The following CCNY variants were observed in gnomAD, a reference collection of about 807,000 sequenced individuals.
The protein encoded by CCNY is cyclin-Y.
CCNY carries 19 observed loss-of-function variants against 42.8 expected under a neutral mutation model. The ratio of observed to expected loss-of-function variants is 0.44; its 90% CI spans 0.31 to 0.65. The LOEUF (loss-of-function observed/expected upper bound fraction) is 0.65, where lower values mean the gene tolerates loss of function less well. CCNY is among the 30% of genes least tolerant of loss of function. CCNY has a pLI of 0.07. For missense variants in CCNY, 370 were observed against 437.3 expected (o/e 0.85, Z 1.37); for synonymous variants, 165 against 162.7 (o/e 1.01, Z -0.11).
chr10:35,270,846 C>T (rs1835155969), intron 3 of CCNY, among the ~76,000 whole-genome samples: 1 of 151,702 alleles, frequency 6.6e-6, no homozygotes, highest in African/African-American at 2.4e-5. Flanking sequence ...CTGCCTCAGC[C>T]TCCCAAGTAG....
intron 9 of CCNY, among the ~76,000 whole-genome samples, chr10:35,568,851 T>C (rs1161229587): frequency 1.3e-5 from 2 of 152,248 alleles, no homozygotes; most frequent in African/African-American, 4.8e-5. Context: ...TTTCTCAGAC[T>C]GTAAGCTCTT....
rs1339774698 is a variant in CCNY, at chr10:35,530,717, GCAGGATAT to G, written c.579+475_579+482del. On this transcript the variant is annotated intron_variant, in intron 7 of 9. Transcript: ENST00000374704. The surrounding 1 kb of genome is among the most constrained non-coding windows in gnomAD (Gnocchi z 4.3). ...TTGTGACTTTTGAGTAAATGTGTCT[GCAGGATAT>G]TCAGAGACAGTATGGAGGTAACGTA... 2.6e-5 allele frequency among the ~76,000 whole-genome samples: 4 copies of G among 152,152 alleles called. No individual in the cohort carries two copies. The East Asian group carries it at 7.7e-4, about 29-fold the overall frequency.
At chr10:35,279,010 C>A (rs1239978409) in intron 3 of CCNY, among the ~76,000 whole-genome samples, 2 of 152,078 alleles carry the variant, frequency 1.3e-5, no homozygotes, top group East Asian at 3.9e-4. Context: ...AAGACACCCT[C>A]TGTTGGGGGC....
Position 35,571,356 on chromosome 10 carries a change from A to G in CCNY, c.*2186A>G, listed in dbSNP as rs781568457. 5 of 152,400 alleles carry G rather than the reference A, an allele frequency of 3.3e-5. No homozygotes were observed. Among genetic ancestry groups the G allele is most frequent in the African/African-American group, 7.2e-5 (3 of 41,468 alleles). 9.4% of individuals were successfully genotyped at this position (152,400 alleles called of 1,614,324 possible). On this transcript the variant is annotated 3_prime_UTR_variant, in exon 10 of 10. Coordinates refer to ENST00000374704, the MANE Select transcript of CCNY (RefSeq NM_145012.6). ...TAGTCTATTTATTGTATGTATGTAC[A>G]TACAGTCTGATACCTAAAATTTAAA...
chr10:35,384,182 T>C (rs1837253724), intron 1 of CCNY, among the ~76,000 whole-genome samples: 1 of 152,120 alleles, frequency 6.6e-6, no homozygotes, highest in South Asian at 2.1e-4. Flanking sequence ...GAAGTTTATT[T>C]TGCTAAGATT....
At chr10:35,263,598 G>A (rs959202510) in intron 3 of CCNY, among the ~76,000 whole-genome samples, 1 of 151,544 alleles carries the variant, frequency 6.6e-6, no homozygotes, top group African/African-American at 2.4e-5. Context: ...GGAAAGGAAA[G>A]GGACAGAAGG....
intron 1 of CCNY, among the ~76,000 whole-genome samples, chr10:35,337,689 G>C (rs962687393): frequency 1.3e-5 from 2 of 152,100 alleles, no homozygotes; most frequent in Non-Finnish European, 2.9e-5. Context: ...CAGTTCCCCG[G>C]AACCTTACAA....
chr10:35,546,623 T>G (rs7893209), intron 7 of CCNY, among the ~76,000 whole-genome samples: 1,546 of 152,314 alleles, frequency 0.01, 30 homozygotes, highest in African/African-American at 0.035. Flanking sequence ...AAATTACATA[T>G]TTTTAAGTCT....
chr10:35,537,814 CTG>C (rs1041607784), intron 7 of CCNY, among the ~76,000 whole-genome samples: 1 of 151,942 alleles, frequency 6.6e-6, no homozygotes, highest in African/African-American at 2.4e-5. Context: ...AGACTTTGGA[CTG>C]TGGATTTTTG....
intron 1 of CCNY, among the ~76,000 whole-genome samples, chr10:35,422,326 C>T (rs1430550682): frequency 6.6e-6 from 1 of 152,068 alleles, no homozygotes; most frequent in East Asian, 1.9e-4. Context: ...AGCTACAATT[C>T]TATATAGGCA....
At chr10:35,556,993 C>T (rs567073231) in intron 8 of CCNY, among the ~76,000 whole-genome samples, 2 of 152,086 alleles carry the variant, frequency 1.3e-5, no homozygotes, top group South Asian at 4.2e-4. Flanking sequence ...TACAGGCGCC[C>T]GCCATTAGTC....
At chr10:35,486,323 CAG>C (rs1303617348) in intron 2 of CCNY, among the ~76,000 whole-genome samples, 3 of 152,190 alleles carry the variant, frequency 2.0e-5, no homozygotes, top group African/African-American at 7.2e-5. Flanking sequence ...TGCTGCAAAT[CAG>C]AGCATTTTTT....
intron 3 of CCNY, among the ~76,000 whole-genome samples, chr10:35,288,439 T>C (rs1453165721): frequency 1.3e-5 from 2 of 152,146 alleles, no homozygotes; most frequent in Admixed American, 1.3e-4. Context: ...TGTATATATG[T>C]ATTTTTTTCT....
chr10:35,336,942 A>T lies in CCNY; in HGVS notation c.-112A>T, dbSNP rs1253286355. 41 of 759,144 alleles carry T rather than the reference A, an allele frequency of 5.4e-5. No individual in the cohort carries two copies. In the Admixed American group the frequency reaches 1.4e-3, roughly 26 times the overall value. The allele number at this position is 759,144 out of a possible 1,614,324, so 47.0% of individuals were successfully genotyped here. A position where few individuals can be genotyped will look rare whatever the true frequency, so the allele number is the denominator to read the frequency against. On this transcript the variant is annotated 5_prime_UTR_variant, in exon 1 of 10. Coordinates refer to ENST00000374704, the MANE Select transcript of CCNY (RefSeq NM_145012.6). ...CGTTCCGCCCCCTCCCGTGGCGGCG[A>T]GCGGGCGGGCCTCCCCACACGCCCC...
At chr10:35,391,715 A>G (rs781628182) in intron 1 of CCNY, among the ~76,000 whole-genome samples, 17 of 152,186 alleles carry the variant, frequency 1.1e-4, no homozygotes, top group Non-Finnish European at 2.2e-4. Context: ...GCAAGGATAG[A>G]CAAGCTCATG....
intron 3 of CCNY, among the ~76,000 whole-genome samples, chr10:35,286,481 C>G (rs1835355726): frequency 6.6e-6 from 1 of 151,770 alleles, no homozygotes; most frequent in Non-Finnish European, 1.5e-5. Flanking sequence ...GCCTCAGCCG[C>G]CCAAGTACCT....
intron 1 of CCNY, among the ~76,000 whole-genome samples, chr10:35,427,027 T>G (rs545680733): frequency 8.8e-4 from 134 of 152,364 alleles, no homozygotes; most frequent in African/African-American, 2.8e-3. Flanking sequence ...GTACACTTTT[T>G]AAAAGTATAT....
At chr10:35,449,916 C>A in intron 1 of CCNY, 1 of 456,592 alleles carries the variant, frequency 2.2e-6, no homozygotes, top group Non-Finnish European at 2.9e-6. Context: ...AGTAGGGTGT[C>A]AAGAGTTTAC....
At chr10:35,376,592 A>C (rs1371259683) in intron 1 of CCNY, among the ~76,000 whole-genome samples, 1 of 152,232 alleles carries the variant, frequency 6.6e-6, no homozygotes, top group Non-Finnish European at 1.5e-5. Context: ...TTTTTGTATT[A>C]GGGATGGCCA....
Sources: gnomAD v4.1 joint callset for allele counts (sites outside exome capture counted in the v4.1 genomes callset) on GRCh38, gnomAD v4.1.1 for gene constraint, Gnocchi (gnomAD v3.1) non-coding constraint, MANE v1.5 for transcripts, NCBI Gene and HGNC (gene_info 2026-07-23, HGNC 2026-07-21) for gene names.